Variants in ADGRB3 observed in about 807,000 individuals in gnomAD.
ADGRB3 encodes the protein adhesion G protein-coupled receptor B3, also known as brain-specific angiogenesis inhibitor 3.
A neutral mutation model predicts 193.4 loss-of-function variants in ADGRB3; 37 were observed. The observed-to-expected ratio is 0.19, with a 90% CI of 0.15 to 0.25. The LOEUF (loss-of-function observed/expected upper bound fraction) is 0.25, where lower values mean the gene tolerates loss of function less well. Among genes scored for constraint, ADGRB3 ranks in the 10% least tolerant of loss-of-function variants. The pLI is 1.00. For synonymous variants in ADGRB3, 690 were observed against 644.2 expected (o/e 1.07, Z -1.08); for missense variants, 1,637 against 1,852.9 (o/e 0.88, Z 2.14).
At chr6:69,377,161 T>C (rs1769842985) in intron 30 of ADGRB3, among the ~76,000 whole-genome samples, 1 of 152,024 alleles carries the variant, frequency 6.6e-6, no homozygotes, top group African/African-American at 2.4e-5. Flanking sequence ...AGTTTTGACA[T>C]TCACTTTAGG....
chr6:69,046,714 A>G (rs1385663478), intron 13 of ADGRB3, among the ~76,000 whole-genome samples: 3 of 152,228 alleles, frequency 2.0e-5, no homozygotes, highest in Non-Finnish European at 2.9e-5. Context: ...CACTAATGTG[A>G]TATACTAATA....
intron 17 of ADGRB3, among the ~76,000 whole-genome samples, chr6:69,117,016 G>C (rs1294413234): frequency 6.6e-6 from 1 of 152,010 alleles, no homozygotes; most frequent in Non-Finnish European, 1.5e-5. Context: ...ACTTCCTCTA[G>C]TTCCAACTAT....
intron 3 of ADGRB3, among the ~76,000 whole-genome samples, chr6:68,816,604 CTT>C (rs1213777832): frequency 1.3e-5 from 2 of 151,988 alleles, no homozygotes; most frequent in Non-Finnish European, 2.9e-5. Flanking sequence ...GATTCCTTCT[CTT>C]TACTTTGCCT....
At chr6:69,342,714 A>C (rs1769001326) in intron 26 of ADGRB3, among the ~76,000 whole-genome samples, 1 of 152,286 alleles carries the variant, frequency 6.6e-6, no homozygotes, top group South Asian at 2.1e-4. Flanking sequence ...TGGAATAGAT[A>C]GCTATATGTA....
At chr6:68,791,391 A>G (rs893610427) in intron 3 of ADGRB3, among the ~76,000 whole-genome samples, 4 of 152,200 alleles carry the variant, frequency 2.6e-5, no homozygotes, top group Non-Finnish European at 5.9e-5. Flanking sequence ...TATAATAACT[A>G]TATGCATTAT....
intron 8 of ADGRB3, 112 bp from the exon 9 acceptor site, chr6:68,974,651 A>AG (rs1442625498): frequency 2.5e-6 from 2 of 793,396 alleles, no homozygotes; most frequent in African/African-American, 3.5e-5. Flanking sequence ...AAAGAAAGAA[A>AG]AAAAAAGAAA....
intron 11 of ADGRB3, among the ~76,000 whole-genome samples, chr6:69,007,356 G>GTTGTT (rs1430794238): frequency 6.6e-6 from 1 of 152,114 alleles, no homozygotes; most frequent in African/African-American, 2.4e-5. Context: ...TACAACTCAT[G>GTTGTT]TAATAGAACC....
chr6:68,888,247 C>T (rs532170780), intron 3 of ADGRB3, among the ~76,000 whole-genome samples: 1 of 152,144 alleles, frequency 6.6e-6, no homozygotes, highest in South Asian at 2.1e-4. Context: ...CAAATGTCTA[C>T]AGAAGATCCA....
intron 3 of ADGRB3, among the ~76,000 whole-genome samples, chr6:68,762,564 G>T (rs867306827): frequency 7.2e-5 from 11 of 151,730 alleles, no homozygotes; most frequent in Non-Finnish European, 1.5e-4. Context: ...GAATAAATAG[G>T]ACTAGTAAAT....
intron 20 of ADGRB3, among the ~76,000 whole-genome samples, chr6:69,296,626 T>A (rs1561980127): frequency 6.6e-6 from 1 of 152,168 alleles, no homozygotes; most frequent in Non-Finnish European, 1.5e-5. Context: ...TCACTTGAGT[T>A]CTTTGGAAAC....
chr6:69,082,848 A>C (rs1772426722), intron 17 of ADGRB3, among the ~76,000 whole-genome samples: 1 of 152,120 alleles, frequency 6.6e-6, no homozygotes, highest in Admixed American at 6.6e-5. Flanking sequence ...ATTGTCCTTA[A>C]CAAACTATTG....
Position 68,841,360 on chromosome 6 carries a change from A to G in ADGRB3, c.758-89199A>G, listed in dbSNP as rs189780116. Among the ~76,000 whole-genome samples the G allele has an allele frequency of 4.6e-5, 7 of 152,300 alleles. No individual in the cohort carries two copies. In the East Asian group the frequency reaches 1.2e-3, roughly 25 times the overall value. On this transcript the variant is annotated intron_variant, in intron 3 of 31. Transcript: ENST00000370598. ...TAGACTATATGTTAAGCCACAAAAC[A>G]AGTCTGGAGACATTCAAAAAATTTG...
At chr6:69,347,632 A>G (rs560214518) in intron 26 of ADGRB3, among the ~76,000 whole-genome samples, 1 of 152,178 alleles carries the variant, frequency 6.6e-6, no homozygotes, top group African/African-American at 2.4e-5. Flanking sequence ...AATTTAAAAA[A>G]CATTTAGCCA....
In ADGRB3 at chr6:68,728,341, G is replaced by A. The variant is rs145306722; in HGVS notation, c.757+88909G>A. On this transcript the variant is annotated intron_variant, in intron 3 of 31. Transcript: ENST00000370598. ...TCTTTCCATATCTAGATTTATGTAT[G>A]CAAATTAAGTTCTTGGCAGTCTATG... is the stretch of plus-strand genomic sequence containing the variant. Among the ~76,000 whole-genome samples the A allele has an allele frequency of 4.6e-5, 7 of 151,096 alleles. No individual in the cohort carries two copies. In the East Asian group the frequency reaches 5.9e-4, roughly 13 times the overall value.
intron 3 of ADGRB3, among the ~76,000 whole-genome samples, chr6:68,754,518 A>G (rs1217430153): frequency 1.3e-5 from 2 of 152,146 alleles, no homozygotes; most frequent in Non-Finnish European, 2.9e-5. Flanking sequence ...ATTGTATATT[A>G]TTTGTATTAT....
At chr6:68,833,603 C>T (rs561209367) in intron 3 of ADGRB3, among the ~76,000 whole-genome samples, 3 of 135,694 alleles carry the variant, frequency 2.2e-5, no homozygotes, top group East Asian at 2.7e-4. Context: ...AACTTAGAAT[C>T]TTCATTATCT....
chr6:68,927,773 T>G (rs544945674), intron 3 of ADGRB3, among the ~76,000 whole-genome samples: 1 of 152,260 alleles, frequency 6.6e-6, no homozygotes, highest in African/African-American at 2.4e-5. Context: ...AAAGAATGAA[T>G]TTTTAATATC....
At chr6:68,686,339 A>C (rs373867290) in intron 3 of ADGRB3, among the ~76,000 whole-genome samples, 1 of 152,100 alleles carries the variant, frequency 6.6e-6, no homozygotes, top group Non-Finnish European at 1.5e-5. Flanking sequence ...TGCCTTGACC[A>C]TCCTTAAAAA....
intron 3 of ADGRB3, among the ~76,000 whole-genome samples, chr6:68,719,964 TG>T (rs1443698300): frequency 4.0e-5 from 6 of 151,750 alleles, no homozygotes; most frequent in Non-Finnish European, 8.8e-5. Context: ...CTGGTAGTGA[TG>T]AAAAGGAGGG....
Sources: allele counts gnomAD v4.1 joint callset (sites outside exome capture counted in the v4.1 genomes callset), GRCh38; gene constraint gnomAD v4.1.1; transcripts MANE v1.5; gene names NCBI Gene and HGNC (gene_info 2026-07-23, HGNC 2026-07-21).